EGFL6: variants seen among roughly 807,000 people sequenced by gnomAD.
EGFL6 encodes the protein epidermal growth factor-like protein 6.
EGFL6 carries 42 observed loss-of-function variants against 43.1 expected under a neutral mutation model. That is an observed-to-expected ratio of 0.98 (90% CI 0.76 to 1.26). EGFL6 has a LOEUF of 1.26. EGFL6 is among the 50% of genes most tolerant of loss of function. The pLI, the probability that EGFL6 is intolerant of heterozygous loss-of-function variation, is 0.00. For missense variants in EGFL6, 429 were observed against 427.8 expected (o/e 1.00, Z -0.02); for synonymous variants, 164 against 163.2 (o/e 1.01, Z -0.04).
chrX:13,598,717 T>C (rs915121179), intron 3 of EGFL6, among the ~76,000 whole-genome samples: 3 of 107,645 alleles, frequency 2.8e-5, no homozygotes, highest in East Asian at 2.8e-4. Flanking sequence ...TAAACCAATT[T>C]TGGAATGATC....
intron 7 of EGFL6, among the ~76,000 whole-genome samples, chrX:13,612,266 C>G (rs1331492950): frequency 9.2e-6 from 1 of 108,604 alleles, no homozygotes; most frequent in East Asian, 2.9e-4. Flanking sequence ...AGCATGCTGC[C>G]TTCAAGCATC....
chrX:13,628,443 C>G (rs573282669), intron 11 of EGFL6, among the ~76,000 whole-genome samples: 73 of 110,106 alleles, frequency 6.6e-4, no homozygotes, highest in Middle Eastern at 9.2e-3. Context: ...GGGGAAGGGT[C>G]GAAGGTCACA....
intron 9 of EGFL6, among the ~76,000 whole-genome samples, chrX:13,621,317 A>T (rs750133579): frequency 9.8e-5 from 11 of 112,147 alleles, no homozygotes; most frequent in Non-Finnish European, 1.9e-4. Flanking sequence ...TGTAGAACAC[A>T]TGGCTCATAA....
At chrX:13,610,933 C>G (rs910753948) in intron 7 of EGFL6, among the ~76,000 whole-genome samples, 1 of 111,146 alleles carries the variant, frequency 9.0e-6, no homozygotes, top group Non-Finnish European at 1.9e-5. Context: ...TAGCAGTGCT[C>G]TCTCTGACAG....
Position 13,603,418 on chromosome X carries a change from A to C in EGFL6, c.502A>C (p.Asn168His), listed in dbSNP as rs143886991. 1.7e-6 allele frequency: 2 copies of C among 1,209,147 alleles called. No homozygotes were observed. The highest frequency in any genetic ancestry group is 1.8e-5 in the South Asian group (1 of 56,288). The change falls in exon 5 of 12, where the codon AAT becomes CAT. Residue 168 changes from asparagine (N) to histidine (H), a missense_variant. By Grantham distance (68) the Asn-to-His change is moderately conservative. Coordinates refer to ENST00000361306, the MANE Select transcript of EGFL6 (RefSeq NM_015507.4). Reference protein sequence around the residue: ...CPSSGLRLAPNGRDCLDIDEC... With the variant: ...CPSSGLRLAPHGRDCLDIDEC... ...ATCCTCAGGACTCCGCCTGGCCCCA[A>C]ATGGAAGAGACTGTCTAGGTACAAC...
chrX:13,591,464 T>C (rs1435486261), intron 2 of EGFL6, among the ~76,000 whole-genome samples: 1 of 112,030 alleles, frequency 8.9e-6, no homozygotes, highest in Non-Finnish European at 1.9e-5. Context: ...TCCAGTCAAA[T>C]GTTCAGGTCT....
chrX:13,588,488 C>T (rs2045545192), intron 1 of EGFL6, among the ~76,000 whole-genome samples: 1 of 111,716 alleles, frequency 9.0e-6, no homozygotes, highest in Admixed American at 9.5e-5. Context: ...CAAGTATTTT[C>T]CTTCAAAGTC....
chrX:13,624,611 A>G (rs1054791327), intron 10 of EGFL6, among the ~76,000 whole-genome samples: 3 of 111,743 alleles, frequency 2.7e-5, no homozygotes, highest in Admixed American at 1.9e-4. Flanking sequence ...TTAGAGCACA[A>G]ATTGAATCTC....
rs182534715 is a variant in EGFL6, at chrX:13,629,073, T to C, written c.1551+1797T>C. On this transcript the variant is annotated intron_variant, in intron 11 of 11. Transcript: ENST00000361306. ...ACATGACTATAAATAAAAGTATATG[T>C]TGGGTACCAGTTAATGAATTTCCTA... Among the ~76,000 whole-genome samples, 146 of 113,076 alleles carry C rather than the reference T, an allele frequency of 1.3e-3. 3 individuals are homozygous for C. The East Asian group carries it at 0.021, about 16-fold the overall frequency.
intron 7 of EGFL6, among the ~76,000 whole-genome samples, chrX:13,615,471 G>A (rs1391320181): frequency 8.9e-6 from 1 of 111,919 alleles, no homozygotes; most frequent in Non-Finnish European, 1.9e-5. Context: ...GCTGGAGAAA[G>A]ATGCAGTCGA....
chrX:13,608,457 T>A lies in EGFL6; in HGVS notation c.778+11T>A. The A allele has an allele frequency of 8.3e-7, 1 of 1,208,682 alleles. No individual in the cohort carries two copies. The highest frequency in any genetic ancestry group is 1.8e-5 in the South Asian group (1 of 56,486). On this transcript the variant is annotated intron_variant, in intron 7 of 11. Coordinates refer to ENST00000361306, the MANE Select transcript of EGFL6 (RefSeq NM_015507.4). ...GACTTCGGTGTTCTGGTAAGTAGCATTTGGTCATGGTGTCTTAGCTATTCC... is the reference window on the plus strand; with the variant it reads ...GACTTCGGTGTTCTGGTAAGTAGCAATTGGTCATGGTGTCTTAGCTATTCC...
intron 11 of EGFL6, among the ~76,000 whole-genome samples, chrX:13,630,456 C>G (rs1218119037): frequency 2.7e-5 from 3 of 111,302 alleles, no homozygotes; most frequent in Non-Finnish European, 5.7e-5. Context: ...ATTATCCCAC[C>G]CATTGCAGCT....
intron 7 of EGFL6, among the ~76,000 whole-genome samples, chrX:13,612,670 G>T (rs58143778): frequency 0.032 from 3,491 of 110,114 alleles, 137 homozygotes; most frequent in African/African-American, 0.11. Context: ...TGGCCGGGAG[G>T]GGGCTGCCCC....
At chrX:13,582,441 C>T (rs775432005) in intron 1 of EGFL6, among the ~76,000 whole-genome samples, 5 of 111,040 alleles carry the variant, frequency 4.5e-5, no homozygotes, top group African/African-American at 9.8e-5. Context: ...CTATATCTTT[C>T]GACAGAACTA....
chrX:13,621,973 T>C (rs775211009), intron 9 of EGFL6, among the ~76,000 whole-genome samples: 14 of 112,283 alleles, frequency 1.2e-4, no homozygotes, highest in African/African-American at 4.5e-4. Context: ...ACACTCGCTT[T>C]CCCCATGTGG....
chrX:13,588,821 G>A lies in EGFL6; in HGVS notation c.75-735G>A, dbSNP rs143618405. Among the ~76,000 whole-genome samples, 644 of 112,585 alleles carry A rather than the reference G, an allele frequency of 5.7e-3. 9 individuals are homozygous for A. Among genetic ancestry groups the A allele is most frequent in the Admixed American group, 0.048 (509 of 10,642 alleles). ...AAGTTTTATTGGAACACAGTCATGC[G>A]CATCTGTTTACTATTGCCTATGGCT... On this transcript the variant is annotated intron_variant, in intron 1 of 11. Coordinates refer to ENST00000361306, the MANE Select transcript of EGFL6 (RefSeq NM_015507.4).
chrX:13,621,419 T>G (rs959605796), intron 9 of EGFL6, among the ~76,000 whole-genome samples: 4 of 111,832 alleles, frequency 3.6e-5, no homozygotes, highest in African/African-American at 1.3e-4. Flanking sequence ...GGGTGCTGAT[T>G]CCTTGGTGCT....
chrX:13,619,216 G>A lies in EGFL6; in HGVS notation c.1156G>A (p.Ala386Thr). The A allele has an allele frequency of 8.3e-7, 1 of 1,211,040 alleles. No individual in the cohort carries two copies. Among genetic ancestry groups the A allele is most frequent in the Non-Finnish European group, 1.1e-6 (1 of 894,643 alleles). Residue 386 changes from alanine (A) to threonine (T), a missense_variant, in exon 9 of 12, where the codon GCG becomes ACG. Transcript: ENST00000361306. Reference sequence around the variant, plus strand: ...CGGCCTGATTCTGGTCCAAAGGAAAGCGCTAACTTCCAAACTGGAACATAA... The same window carrying A: ...CGGCCTGATTCTGGTCCAAAGGAAAACGCTAACTTCCAAACTGGAACATAA... ...EFGLILVQRK[A>T]LTSKLEHKDL...
chrX:13,614,355 C>A (rs2045707431), intron 7 of EGFL6, among the ~76,000 whole-genome samples: 1 of 111,557 alleles, frequency 9.0e-6, no homozygotes, highest in Non-Finnish European at 1.9e-5. Flanking sequence ...TTCCTGGGTC[C>A]CATGCTGGAA....
Sources: allele counts gnomAD v4.1 joint callset (sites outside exome capture counted in the v4.1 genomes callset), GRCh38; gene constraint gnomAD v4.1.1; transcripts MANE v1.5; gene names NCBI Gene and HGNC (gene_info 2026-07-23, HGNC 2026-07-21).